MINDY3: variants seen among roughly 807,000 people sequenced by gnomAD.
MINDY3 encodes MINDY lysine 48 deubiquitinase 3.
A neutral mutation model predicts 69.2 loss-of-function variants in MINDY3; 38 were observed. The ratio of observed to expected loss-of-function variants is 0.55; its 90% CI spans 0.42 to 0.72. The LOEUF is 0.72. Among genes scored for constraint, MINDY3 ranks in the 30% least tolerant of loss-of-function variants. MINDY3 has a pLI of 0.00. For synonymous variants in MINDY3, 192 were observed against 180.1 expected (o/e 1.07, Z -0.53); for missense variants, 522 against 519.0 (o/e 1.01, Z -0.06).
At chr10:15,815,551 C>T (rs917811705) in intron 10 of MINDY3, among the ~76,000 whole-genome samples, 38 of 152,280 alleles carry the variant, frequency 2.5e-4, no homozygotes, top group African/African-American at 9.1e-4. Context: ...GAAAGCACAT[C>T]ACAATGAAGA....
At chr10:15,830,055 T>C (rs1212498479) in intron 8 of MINDY3, among the ~76,000 whole-genome samples, 5 of 152,162 alleles carry the variant, frequency 3.3e-5, no homozygotes, top group Non-Finnish European at 7.3e-5. Flanking sequence ...ATTAGATACA[T>C]GACAGTAAGG....
intron 1 of MINDY3, among the ~76,000 whole-genome samples, chr10:15,850,120 A>G (rs2132127580): frequency 6.6e-6 from 1 of 152,322 alleles, no homozygotes; most frequent in South Asian, 2.1e-4. Context: ...TAAACTGTGA[A>G]GATTTCATGG....
intron 10 of MINDY3, among the ~76,000 whole-genome samples, chr10:15,809,417 T>C (rs1009868259): frequency 6.6e-6 from 1 of 152,194 alleles, no homozygotes; most frequent in South Asian, 2.1e-4. Flanking sequence ...TCTTTTTACC[T>C]GTGCAGTAGG....
At chr10:15,793,837 G>A (rs1349622959) in intron 11 of MINDY3, among the ~76,000 whole-genome samples, 1 of 151,946 alleles carries the variant, frequency 6.6e-6, no homozygotes, top group African/African-American at 2.4e-5. Context: ...AACATTCCAC[G>A]CAAATGCCAC....
chr10:15,818,631 A>G (rs1359364715), intron 9 of MINDY3, among the ~76,000 whole-genome samples: 1 of 152,228 alleles, frequency 6.6e-6, no homozygotes, highest in Non-Finnish European at 1.5e-5. Context: ...GGTTTAACAT[A>G]CAAAAGAATA....
rs541260448 is a variant in MINDY3, at chr10:15,789,769, A to ATACT, written c.956-454_956-451dup. On this transcript the variant is annotated intron_variant, in intron 11 of 14. Coordinates refer to ENST00000277632, the MANE Select transcript of MINDY3 (RefSeq NM_024948.4). ...TTGAAGGAATGTCAGTGATCCACTG[A>ATACT]TACTTAGACAACTGACAGATTAACA... is the stretch of plus-strand genomic sequence containing the variant. Among the ~76,000 whole-genome samples the ATACT allele has an allele frequency of 3.9e-4, 59 of 152,274 alleles. 1 individual carries two copies. In the South Asian group the frequency reaches 7.7e-3, roughly 20 times the overall value.
intron 1 of MINDY3, among the ~76,000 whole-genome samples, chr10:15,856,213 C>A (rs183853055): frequency 1.3e-5 from 2 of 151,874 alleles, no homozygotes; most frequent in Non-Finnish European, 2.9e-5. Flanking sequence ...AATACCCAAA[C>A]ACGCCTTTAA....
intron 3 of MINDY3, among the ~76,000 whole-genome samples, chr10:15,842,345 T>C (rs901527165): frequency 6.6e-6 from 1 of 151,892 alleles, no homozygotes; most frequent in Non-Finnish European, 1.5e-5. Flanking sequence ...ACCACAGTAT[T>C]TATGACACTT....
At position 15,831,344 on chromosome 10, in the gene MINDY3, C is replaced by G. The variant is rs145950391; in HGVS notation, c.730+2286G>C. 2.2e-4 allele frequency among the ~76,000 whole-genome samples: 33 copies of G among 152,252 alleles called. 1 individual carries two copies. The East Asian group carries it at 6.4e-3, about 29-fold the overall frequency. On this transcript the variant is annotated intron_variant, in intron 8 of 14. Coordinates refer to ENST00000277632, the MANE Select transcript of MINDY3 (RefSeq NM_024948.4). ...GTACTATGTGTTATCCAGGAAAAAC[C>G]AAGAAGGTTCAGTGAAATATAAATG...
chr10:15,791,415 A>G (rs1252017343), intron 11 of MINDY3, among the ~76,000 whole-genome samples: 1 of 152,018 alleles, frequency 6.6e-6, no homozygotes, highest in Admixed American at 6.6e-5. Flanking sequence ...AGCAAAGGAA[A>G]TCTCAGAGAA....
chr10:15,804,763 T>C (rs1482889101), intron 10 of MINDY3, among the ~76,000 whole-genome samples: 1 of 152,156 alleles, frequency 6.6e-6, no homozygotes, highest in African/African-American at 2.4e-5. Flanking sequence ...AGATTTTAAG[T>C]CAATTACATC....
intron 8 of MINDY3, among the ~76,000 whole-genome samples, chr10:15,830,611 T>A (rs1840390662): frequency 6.6e-6 from 1 of 152,228 alleles, no homozygotes; most frequent in African/African-American, 2.4e-5. Context: ...GAGGCAGATA[T>A]CTGCCCCATT....
intron 9 of MINDY3, chr10:15,817,708 A>C (rs1194020908): frequency 6.6e-6 from 1 of 152,222 alleles, no homozygotes; most frequent in African/African-American, 2.4e-5. Flanking sequence ...TTAGCAATAC[A>C]ATTTGCTGCA....
intron 10 of MINDY3, among the ~76,000 whole-genome samples, chr10:15,799,310 T>C (rs918046544): frequency 6.6e-6 from 1 of 152,068 alleles, no homozygotes; most frequent in East Asian, 1.9e-4. Context: ...AGCAAATCTC[T>C]GCCCCAGCCT....
chr10:15,790,509 T>G (rs947941971), intron 11 of MINDY3, among the ~76,000 whole-genome samples: 3 of 152,112 alleles, frequency 2.0e-5, no homozygotes, highest in African/African-American at 7.2e-5. Flanking sequence ...GGGCTTAGCT[T>G]TGATGAGTCT....
chr10:15,794,112 C>G (rs544809489), intron 11 of MINDY3, among the ~76,000 whole-genome samples: 1 of 152,008 alleles, frequency 6.6e-6, no homozygotes, highest in South Asian at 2.1e-4. Context: ...TAAAAATACT[C>G]CTGGGTACCT....
chr10:15,837,355 T>G (rs1021540381), intron 5 of MINDY3, 37 bp from the exon 6 acceptor site: 2 of 1,425,198 alleles, frequency 1.4e-6, no homozygotes, highest in South Asian at 1.3e-5. Flanking sequence ...GGTATCATGA[T>G]GAGATTAACT....
chr10:15,836,884 A>C (rs777258804), intron 6 of MINDY3, among the ~76,000 whole-genome samples: 2 of 151,904 alleles, frequency 1.3e-5, no homozygotes, highest in African/African-American at 2.4e-5. Context: ...AAATGGAATC[A>C]AGGTCAAAAA....
At chr10:15,837,180 G>T in intron 6 of MINDY3, 24 bp downstream of exon 6, 1 of 1,404,702 alleles carries the variant, frequency 7.1e-7, no homozygotes, top group South Asian at 1.3e-5. Context: ...ATCAAAGGCA[G>T]AAAAATCATC....
Sources: allele counts gnomAD v4.1 joint callset (sites outside exome capture counted in the v4.1 genomes callset), GRCh38; gene constraint gnomAD v4.1.1; transcripts MANE v1.5; gene names NCBI Gene and HGNC (gene_info 2026-07-23, HGNC 2026-07-21).